INSL6: variants seen among roughly 807,000 people sequenced by gnomAD.
The protein encoded by INSL6 is insulin-like peptide INSL6.
Under a neutral mutation model 9.4 loss-of-function variants are expected in INSL6, and 16 were observed. That is an observed-to-expected ratio of 1.70 (90% CI 1.15 to 2.59). The LOEUF is 2.59. Ranked by LOEUF, INSL6 falls within the 30% of genes most tolerant of loss-of-function variation. The probability of loss-of-function intolerance (pLI) is 0.00; values close to 1 mark genes in which losing one functional copy is unlikely to be tolerated. For synonymous variants in INSL6, 154 were observed against 96.9 expected, an observed-to-expected ratio of 1.59 and a Z score of -3.46; for missense variants, 391 against 257.3, an observed-to-expected ratio of 1.52 and a Z score of -3.56.
At chr9:5,111,102 G>C in the INSL6 span, 5 of 1,224,164 alleles carry the variant, frequency 4.1e-6, no homozygotes, top group South Asian at 1.3e-5. Flanking sequence ...GCGGCGACCA[G>C]AACAGCTCCT....
chr9:5,185,615 A>T lies in INSL6; in HGVS notation c.-13T>A. On this transcript the variant is annotated 5_prime_UTR_variant, in exon 1 of 2. Coordinates refer to ENST00000381641, the MANE Select transcript of INSL6 (RefSeq NM_007179.3). ...GGAGCCGCGGCATCCCTGTGACCCC[A>T]GGCTAGTCCTCCGCGTTGTGCAATG... The T allele has an allele frequency of 6.2e-7, 1 of 1,607,234 alleles. No individual in the cohort carries two copies.
the INSL6 span, chr9:5,107,974 T>C: frequency 1.3e-5 from 2 of 152,138 alleles, no homozygotes; most frequent in African/African-American, 4.8e-5. Context: ...AATATGATTC[T>C]CTAAAAATTC....
chr9:5,028,575 A>C, the INSL6 span, among the ~76,000 whole-genome samples: 1 of 151,988 alleles, frequency 6.6e-6, no homozygotes, highest in Non-Finnish European at 1.5e-5. Context: ...CTATGAAACT[A>C]CTCCTAGATG....
At chr9:5,092,322 A>G in the INSL6 span, among the ~76,000 whole-genome samples, 3 of 152,170 alleles carry the variant, frequency 2.0e-5, no homozygotes, top group Non-Finnish European at 4.4e-5. Context: ...ATATCATTCT[A>G]GAAATATTAT....
intron 2 of INSL6, among the ~76,000 whole-genome samples, chr9:5,155,772 G>C: frequency 6.6e-6 from 1 of 151,708 alleles, no homozygotes; most frequent in South Asian, 2.1e-4. Flanking sequence ...CCTGTTTGGG[G>C]GTGGGGGGAT....
At chr9:5,179,494 G>GTA (rs145329517) in intron 1 of INSL6, among the ~76,000 whole-genome samples, 12,079 of 152,156 alleles carry the variant, frequency 0.079, 1,607 homozygotes, top group African/African-American at 0.28. Flanking sequence ...CCATTACTGG[G>GTA]TGTATACCCA....
the INSL6 span, among the ~76,000 whole-genome samples, chr9:5,018,604 G>T: frequency 2.0e-5 from 3 of 152,194 alleles, no homozygotes; most frequent in South Asian, 2.1e-4. Flanking sequence ...CACCCAAAGT[G>T]CTAGGATTAC....
the INSL6 span, chr9:5,066,639 C>A: frequency 1.8e-6 from 2 of 1,086,858 alleles, no homozygotes; most frequent in South Asian, 1.3e-5. Flanking sequence ...TATTATGGTG[C>A]TTGATATATT....
chr9:5,113,181 C>A, the INSL6 span, among the ~76,000 whole-genome samples: 1 of 125,824 alleles, frequency 7.9e-6, no homozygotes, highest in Non-Finnish European at 1.6e-5. Flanking sequence ...GTTGTCTGGG[C>A]TGGCAGGAGC....
At chr9:5,181,312 A>T (rs1359811132) in intron 1 of INSL6, among the ~76,000 whole-genome samples, 2 of 152,198 alleles carry the variant, frequency 1.3e-5, no homozygotes, top group African/African-American at 4.8e-5. Flanking sequence ...AGTATCAAAA[A>T]TAGTAACGAT....
At chr9:5,081,281 C>G in the INSL6 span, among the ~76,000 whole-genome samples, 1 of 151,016 alleles carries the variant, frequency 6.6e-6, no homozygotes, top group South Asian at 2.1e-4. Flanking sequence ...CTTAAATTGA[C>G]TTTTAAAAAA....
At chr9:5,089,613 ATTTAT>A in the INSL6 span, 1 of 733,794 alleles carries the variant, frequency 1.4e-6, no homozygotes, top group Non-Finnish European at 2.0e-6. Context: ...TAATTATAAA[ATTTAT>A]TTGTAATTTG....
the INSL6 span, chr9:5,077,495 C>T: frequency 1.4e-6 from 2 of 1,395,962 alleles, no homozygotes; most frequent in African/African-American, 3.0e-5. Flanking sequence ...TCACTAGATA[C>T]ATATCTGAAA....
the INSL6 span, chr9:5,114,663 G>A: frequency 2.3e-6 from 1 of 444,350 alleles, no homozygotes; most frequent in Non-Finnish European, 4.4e-6. Context: ...CAAAACCAAG[G>A]GCTCTGGCGT....
the INSL6 span, chr9:5,111,198 G>C: frequency 1.6e-6 from 1 of 642,180 alleles, no homozygotes; most frequent in Non-Finnish European, 2.8e-6. Context: ...TCCTGGGACC[G>C]GGACTCGGAG....
At chr9:5,075,757 T>A in the INSL6 span, among the ~76,000 whole-genome samples, 584 of 152,308 alleles carry the variant, frequency 3.8e-3, 4 homozygotes, top group African/African-American at 0.013. Context: ...ATCAAGGAGT[T>A]ATTTCAACTT....
the INSL6 span, among the ~76,000 whole-genome samples, chr9:5,035,479 C>A: frequency 2.0e-5 from 3 of 152,150 alleles, no homozygotes; most frequent in Admixed American, 6.5e-5. Flanking sequence ...ATGCAAAAAT[C>A]CTCAACAAAA....
At chr9:5,037,761 A>G in the INSL6 span, among the ~76,000 whole-genome samples, 1 of 152,176 alleles carries the variant, frequency 6.6e-6, no homozygotes, top group Non-Finnish European at 1.5e-5. Flanking sequence ...ATGTTAAATG[A>G]CGAGTTACTG....
At chr9:5,081,945 C>A in the INSL6 span, 1 of 1,180,454 alleles carries the variant, frequency 8.5e-7, no homozygotes, top group Non-Finnish European at 1.2e-6. Context: ...TCACTTTCTA[C>A]AACATTTTAA....
Sources: gnomAD v4.1 joint callset for allele counts (sites outside exome capture counted in the v4.1 genomes callset) on GRCh38, gnomAD v4.1.1 for gene constraint, MANE v1.5 for transcripts, NCBI Gene and HGNC (gene_info 2026-07-23, HGNC 2026-07-21) for gene names.